The following ZDHHC3 variants were observed in gnomAD, a reference collection of about 807,000 sequenced individuals.
The protein encoded by ZDHHC3 is palmitoyltransferase ZDHHC3.
A neutral mutation model predicts 30.6 loss-of-function variants in ZDHHC3; 9 were observed. The observed-to-expected ratio is 0.29, with a 90% CI of 0.18 to 0.51. The LOEUF is 0.51. Ranked by LOEUF, ZDHHC3 falls within the 20% of genes least tolerant of loss-of-function variation. The pLI is 0.97. For missense variants in ZDHHC3, 246 were observed against 384.2 expected (o/e 0.64, Z 3.01); for synonymous variants, 136 against 140.2 (o/e 0.97, Z 0.21).
chr3:44,937,312 T>C (rs1166877342), intron 3 of ZDHHC3, among the ~76,000 whole-genome samples: 1 of 151,828 alleles, frequency 6.6e-6, no homozygotes, highest in South Asian at 2.1e-4. Context: ...GGTGTGGTAG[T>C]GTGCACCTGT....
chr3:44,940,026 G>A (rs1272555026), intron 3 of ZDHHC3, among the ~76,000 whole-genome samples: 1 of 152,210 alleles, frequency 6.6e-6, no homozygotes, highest in African/African-American at 2.4e-5. Flanking sequence ...GAGGCCAGAA[G>A]GGTGCTGGGG....
At chr3:44,928,276 G>A (rs1445564266) in intron 6 of ZDHHC3, among the ~76,000 whole-genome samples, 3 of 152,196 alleles carry the variant, frequency 2.0e-5, no homozygotes, top group African/African-American at 7.2e-5. Context: ...CGGAAGACCC[G>A]AATAATGGTG....
chr3:44,927,800 G>A (rs1701127672), intron 6 of ZDHHC3, among the ~76,000 whole-genome samples: 1 of 152,234 alleles, frequency 6.6e-6, no homozygotes, highest in Non-Finnish European at 1.5e-5. Flanking sequence ...GCAGAAGCCT[G>A]GCCAGGGGTC....
chr3:44,971,993 G>A (rs533028394), intron 1 of ZDHHC3, among the ~76,000 whole-genome samples: 3 of 152,208 alleles, frequency 2.0e-5, no homozygotes, highest in South Asian at 4.2e-4. Flanking sequence ...TTTAAGACAA[G>A]GTACAGGCGG....
In ZDHHC3 at chr3:44,924,031, A is replaced by C. The variant is rs1303876261; in HGVS notation, c.*2658T>G. On this transcript the variant is annotated 3_prime_UTR_variant, in exon 7 of 7. Transcript: ENST00000424952. ...ACAGAAGGAAAGCAAGCTGGGGATCACAATCCAACAAGCCACATCTTTATT... is the reference window on the plus strand; with the variant it reads ...ACAGAAGGAAAGCAAGCTGGGGATCCCAATCCAACAAGCCACATCTTTATT... 3.0e-6 allele frequency: 3 copies of C among 985,350 alleles called. No individual in the cohort carries two copies. The highest frequency in any genetic ancestry group is 2.3e-4 in the East Asian group (2 of 8,828). 61.0% of individuals were successfully genotyped at this position (985,350 alleles called of 1,614,324 possible).
At position 44,924,086 on chromosome 3, in the gene ZDHHC3, C is replaced by G; in HGVS notation, c.*2603G>C. 1 of 985,452 alleles carries G rather than the reference C, an allele frequency of 1.0e-6. No individual in the cohort carries two copies. The highest frequency in any genetic ancestry group is 1.7e-5 in the African/African-American group (1 of 57,364). The allele number at this position is 985,452 out of a possible 1,614,324, so 61.0% of individuals were successfully genotyped here. A position where few individuals can be genotyped will look rare whatever the true frequency, so the allele number is the denominator to read the frequency against. The stretch of plus-strand genomic sequence containing the variant: ...ACTTCCACTCCCCAGAGCCCAGGCT[C>G]TGAAAGACTGTGGCTACGACTGGTT... On this transcript the variant is annotated 3_prime_UTR_variant, in exon 7 of 7. Transcript: ENST00000424952.
At chr3:44,930,269 G>A (rs942172266) in intron 5 of ZDHHC3, among the ~76,000 whole-genome samples, 5 of 152,194 alleles carry the variant, frequency 3.3e-5, no homozygotes, top group Admixed American at 6.5e-5. Flanking sequence ...GAAACCCAGC[G>A]CATGGAAGAG....
chr3:44,923,739 G>A lies in ZDHHC3; in HGVS notation c.*2950C>T. The A allele has an allele frequency of 1.1e-6, 1 of 910,306 alleles. No individual in the cohort carries two copies. The highest frequency in any genetic ancestry group is 1.3e-6 in the Non-Finnish European group (1 of 761,610). 56.4% of individuals were successfully genotyped at this position (910,306 alleles called of 1,614,324 possible). ...AATCACTTGAGCCCAGGAGTTCAAG[G>A]CTGCAGTGAGCTCTAATTGTGCCAC... On this transcript the variant is annotated 3_prime_UTR_variant, in exon 7 of 7. Transcript: ENST00000424952.
chr3:44,938,751 T>C (rs895338264), intron 3 of ZDHHC3, among the ~76,000 whole-genome samples: 3 of 152,148 alleles, frequency 2.0e-5, no homozygotes, highest in African/African-American at 4.8e-5. Flanking sequence ...AGGGAAAGCA[T>C]AGGAGCAGCT....
Position 44,915,699 on chromosome 3 carries a change from AAG to A in ZDHHC3, c.*10988_*10989del, listed in dbSNP as rs1700117203. ...TTTCAGGCCAAGATGGATTCCCTAG[AAG>A]AGGAGTTTGAAGCCCAATGTGCAAG... is the stretch of plus-strand genomic sequence containing the variant. On this transcript the variant is annotated 3_prime_UTR_variant, in exon 7 of 7. Transcript: ENST00000424952. The A allele has an allele frequency of 6.6e-6, 1 of 151,992 alleles. No homozygotes were observed. The highest frequency in any genetic ancestry group is 6.5e-5 in the Admixed American group (1 of 15,274). The allele number at this position is 151,992 out of a possible 1,614,324, so 9.4% of individuals were successfully genotyped here.
At chr3:44,968,224 TGAG>T (rs1705121384) in intron 1 of ZDHHC3, among the ~76,000 whole-genome samples, 1 of 152,060 alleles carries the variant, frequency 6.6e-6, no homozygotes, top group South Asian at 2.1e-4. Context: ...TTGAGGGACC[TGAG>T]GAGAAGTTAC....
At chr3:44,930,712 A>G (rs937235051) in intron 5 of ZDHHC3, among the ~76,000 whole-genome samples, 2 of 152,224 alleles carry the variant, frequency 1.3e-5, no homozygotes, top group Admixed American at 1.3e-4. Context: ...TCCACAATGC[A>G]TATCTCCTCA....
At chr3:44,935,846 C>T (rs1701916314) in intron 3 of ZDHHC3, among the ~76,000 whole-genome samples, 1 of 152,088 alleles carries the variant, frequency 6.6e-6, no homozygotes, top group African/African-American at 2.4e-5. Flanking sequence ...CTTCCTTACA[C>T]CATATACAAA....
intron 1 of ZDHHC3, among the ~76,000 whole-genome samples, 176 bp downstream of exon 1, chr3:44,975,747 GTCTCTCTCTC>G (rs144383795): frequency 1.4e-4 from 19 of 134,774 alleles, no homozygotes; most frequent in Middle Eastern, 4.0e-3. Flanking sequence ...CTTAGTCGGG[GTCTCTCTCTC>G]TCTCTCTCTC....
intron 1 of ZDHHC3, among the ~76,000 whole-genome samples, chr3:44,961,062 G>A (rs1704432794): frequency 1.3e-5 from 2 of 152,210 alleles, no homozygotes; most frequent in African/African-American, 4.8e-5. Flanking sequence ...CACTATCACT[G>A]TGTTAGGGAA....
intron 2 of ZDHHC3, among the ~76,000 whole-genome samples, chr3:44,957,659 T>C (rs75034071): frequency 0.034 from 5,134 of 152,264 alleles, 248 homozygotes; most frequent in African/African-American, 0.11. Flanking sequence ...CTCCTTCCTG[T>C]CCTCAATGTC....
intron 1 of ZDHHC3, among the ~76,000 whole-genome samples, chr3:44,971,804 T>A (rs910566508): frequency 2.0e-5 from 3 of 152,218 alleles, no homozygotes; most frequent in African/African-American, 7.2e-5. Context: ...TAATCTCAAG[T>A]TACAATGTCT....
chr3:44,921,677 A>C lies in ZDHHC3; in HGVS notation c.*5012T>G. On this transcript the variant is annotated 3_prime_UTR_variant, in exon 7 of 7. Transcript: ENST00000424952. ...ATCACCCTCATTTAATCCTTCCATT[A>C]ACTTTGTGATTTAGATTATCATTCC... 1 of 970,532 alleles carries C rather than the reference A, an allele frequency of 1.0e-6. No individual in the cohort carries two copies. The highest frequency in any genetic ancestry group is 1.8e-5 in the African/African-American group (1 of 56,994). The allele number at this position is 970,532 out of a possible 1,614,324, so 60.1% of individuals were successfully genotyped here. A position where few individuals can be genotyped will look rare whatever the true frequency, so the allele number is the denominator to read the frequency against.
Position 44,954,998 on chromosome 3 carries a change from C to T in ZDHHC3, c.306+4133G>A, listed in dbSNP as rs547650143. On this transcript the variant is annotated intron_variant, in intron 2 of 6. Transcript: ENST00000424952. ...CATGGAGCCATTCTAGACTTATAAACGTCTAAAGTGTTTCCAGAACACAGA... is the reference window on the plus strand; with the variant it reads ...CATGGAGCCATTCTAGACTTATAAATGTCTAAAGTGTTTCCAGAACACAGA... Among the ~76,000 whole-genome samples the T allele has an allele frequency of 2.0e-5, 3 of 152,286 alleles. No individual in the cohort carries two copies. The South Asian group carries it at 6.2e-4, about 32-fold the overall frequency.
Sources: allele counts gnomAD v4.1 joint callset (sites outside exome capture counted in the v4.1 genomes callset), GRCh38; gene constraint gnomAD v4.1.1; transcripts MANE v1.5; gene names NCBI Gene and HGNC (gene_info 2026-07-23, HGNC 2026-07-21).